Variants in UBE2L3 observed in about 807,000 individuals in gnomAD.
The protein encoded by UBE2L3 is ubiquitin conjugating enzyme E2 L3.
In UBE2L3, 1 loss-of-function variant was observed where a neutral mutation model predicts 17.8. The ratio of observed to expected loss-of-function variants is 0.06; its 90% CI spans 0.02 to 0.27. UBE2L3 has a LOEUF of 0.27. UBE2L3 is among the 10% of genes least tolerant of loss of function. The pLI is 1.00. For missense variants in UBE2L3, 40 were observed against 192.6 expected, an observed-to-expected ratio of 0.21 and a Z score of 4.69; for synonymous variants, 44 against 68.5, an observed-to-expected ratio of 0.64 and a Z score of 1.76.
At chr22:21,583,161 C>T (rs1927738942) in intron 1 of UBE2L3, among the ~76,000 whole-genome samples, 1 of 152,172 alleles carries the variant, frequency 6.6e-6, no homozygotes, top group Admixed American at 6.6e-5. Flanking sequence ...TTCTGCCCTC[C>T]ATGTCTCTGC....
chr22:21,619,752 C>T (rs1929959265), intron 3 of UBE2L3, among the ~76,000 whole-genome samples: 1 of 152,212 alleles, frequency 6.6e-6, no homozygotes, highest in African/African-American at 2.4e-5. Context: ...AGTGCAGTGG[C>T]ACGATCTCGG....
intron 2 of UBE2L3, among the ~76,000 whole-genome samples, chr22:21,604,770 T>C (rs550809674): frequency 6.6e-6 from 1 of 152,156 alleles, no homozygotes; most frequent in Non-Finnish European, 1.5e-5. Context: ...CAAAAATCTC[T>C]GGGACAGGCA....
At position 21,571,769 on chromosome 22, in the gene UBE2L3, G is replaced by A. The variant is rs551221101; in HGVS notation, c.27+3998G>A. On this transcript the variant is annotated intron_variant, in intron 1 of 3. Coordinates refer to ENST00000342192, the MANE Select transcript of UBE2L3 (RefSeq NM_003347.4). ...TATTTTCTCCCAGTTCATAGTCATA[G>A]TAGGAGGAACCTCTAAAAGTTCATT... Among the ~76,000 whole-genome samples, 4 of 152,302 alleles carry A rather than the reference G, an allele frequency of 2.6e-5. No homozygotes were observed. In the South Asian group the frequency reaches 8.3e-4, roughly 32 times the overall value.
chr22:21,581,675 G>A (rs564259136), intron 1 of UBE2L3, among the ~76,000 whole-genome samples: 1 of 152,048 alleles, frequency 6.6e-6, no homozygotes, highest in Admixed American at 6.6e-5. Flanking sequence ...GGTGGCGGGC[G>A]CCTGTAATCC....
intron 2 of UBE2L3, among the ~76,000 whole-genome samples, chr22:21,606,382 C>T (rs1478322130): frequency 6.6e-6 from 1 of 151,842 alleles, no homozygotes; most frequent in Non-Finnish European, 1.5e-5. Flanking sequence ...TGCAGTGGCA[C>T]AATCTTGGCT....
intron 1 of UBE2L3, among the ~76,000 whole-genome samples, chr22:21,579,095 A>G (rs941728061): frequency 3.3e-5 from 5 of 151,818 alleles, no homozygotes; most frequent in African/African-American, 1.2e-4. Flanking sequence ...GGTTCACGCA[A>G]TTCTCCTGCC....
intron 3 of UBE2L3, among the ~76,000 whole-genome samples, chr22:21,620,265 TA>T (rs59755576): frequency 1.4e-4 from 20 of 147,616 alleles, no homozygotes; most frequent in African/African-American, 2.7e-4. Context: ...TAGCCTAGGT[TA>T]AAAAAAAAAA....
intron 1 of UBE2L3, among the ~76,000 whole-genome samples, chr22:21,574,060 C>T (rs1335303586): frequency 3.3e-5 from 5 of 152,160 alleles, no homozygotes; most frequent in African/African-American, 9.7e-5. Context: ...CTACAGCTAT[C>T]CAGGAGAAGT....
chr22:21,568,741 A>T lies in UBE2L3; in HGVS notation c.27+970A>T, dbSNP rs138967811. On this transcript the variant is annotated intron_variant, in intron 1 of 3. Transcript: ENST00000342192. ...GCCGGCCTGCAACGGGCCGGAAATT[A>T]AAAAAAGGCCCAGGAGCCAGTTTCC... Among the ~76,000 whole-genome samples, 1,518 of 152,094 alleles carry T rather than the reference A, an allele frequency of 1.0e-2. 10 individuals are homozygous for T. The highest frequency in any genetic ancestry group is 0.014 in the African/African-American group (578 of 41,484).
At chr22:21,588,343 A>G (rs1212274272) in intron 1 of UBE2L3, among the ~76,000 whole-genome samples, 1 of 151,760 alleles carries the variant, frequency 6.6e-6, no homozygotes, top group African/African-American at 2.4e-5. Flanking sequence ...ATTCTCAGTT[A>G]TCGGGGCACA....
At chr22:21,581,156 A>G (rs1601405888) in intron 1 of UBE2L3, among the ~76,000 whole-genome samples, 1 of 151,690 alleles carries the variant, frequency 6.6e-6, no homozygotes, top group Non-Finnish European at 1.5e-5. Flanking sequence ...CCAGGTTCAA[A>G]CAATTCTCCC....
At chr22:21,615,503 C>T (rs1048648854) in intron 3 of UBE2L3, among the ~76,000 whole-genome samples, 3 of 149,740 alleles carry the variant, frequency 2.0e-5, no homozygotes, top group Admixed American at 6.7e-5. Context: ...TGCAGTGAGC[C>T]GAGATCACGC....
chr22:21,562,072 G>A (rs5754104), intron 1 of UBE2L3, among the ~76,000 whole-genome samples: 26,280 of 150,368 alleles, frequency 0.17, 2,356 homozygotes, highest in East Asian at 0.37. Context: ...GCTTCTGCGA[G>A]GCCCCTCCTC....
chr22:21,600,119 C>T (rs185019637), intron 2 of UBE2L3, among the ~76,000 whole-genome samples: 99 of 151,830 alleles, frequency 6.5e-4, no homozygotes, highest in African/African-American at 2.3e-3. Flanking sequence ...TGAGACCAGC[C>T]TGTCCAATGT....
chr22:21,616,973 G>A (rs909934947), intron 3 of UBE2L3, among the ~76,000 whole-genome samples: 26 of 151,990 alleles, frequency 1.7e-4, no homozygotes, highest in Admixed American at 1.4e-3. Context: ...CACTTTGGGA[G>A]GCCGAGGCGG....
At chr22:21,560,959 T>C (rs1280493219) in intron 1 of UBE2L3, among the ~76,000 whole-genome samples, 2 of 152,284 alleles carry the variant, frequency 1.3e-5, no homozygotes, top group African/African-American at 4.8e-5. Context: ...CTTCATTCAC[T>C]AAGCACAGAG....
chr22:21,611,076 G>T (rs1929446333), intron 3 of UBE2L3, 33 bp downstream of exon 3: 10 of 1,542,382 alleles, frequency 6.5e-6, no homozygotes, highest in Middle Eastern at 3.5e-4. Flanking sequence ...CCTCGGAGGG[G>T]GTCTTTGGGG....
chr22:21,587,391 A>G (rs1601412766), intron 1 of UBE2L3, among the ~76,000 whole-genome samples: 1 of 151,006 alleles, frequency 6.6e-6, no homozygotes, highest in South Asian at 2.1e-4. Flanking sequence ...GGGTTTCACC[A>G]TGTGGTCTCG....
chr22:21,582,131 C>CA (rs1314032844), intron 1 of UBE2L3, among the ~76,000 whole-genome samples: 2 of 144,620 alleles, frequency 1.4e-5, no homozygotes, highest in African/African-American at 5.1e-5. Context: ...AAAAAAAAAA[C>CA]AAAAAAACAA....
Sources: allele counts gnomAD v4.1 joint callset (sites outside exome capture counted in the v4.1 genomes callset), GRCh38; gene constraint gnomAD v4.1.1; transcripts MANE v1.5; gene names NCBI Gene and HGNC (gene_info 2026-07-23, HGNC 2026-07-21).